The following NPFFR1 variants were observed in gnomAD, a reference collection of about 807,000 sequenced individuals.
NPFFR1 encodes the protein G-protein coupled receptor 147.
Under a neutral mutation model 12.7 loss-of-function variants are expected in NPFFR1, and 17 were observed. The ratio of observed to expected loss-of-function variants is 1.34; its 90% CI spans 0.92 to 2.01. NPFFR1 has a LOEUF of 2.01. Among genes scored for constraint, NPFFR1 ranks in the 30% most tolerant of loss-of-function variants. NPFFR1 has a pLI of 0.00. For missense variants in NPFFR1, 604 were observed against 606.5 expected (o/e 1.00, Z 0.04); for synonymous variants, 296 against 264.5 (o/e 1.12, Z -1.16).
chr10:70,279,006 T>G lies in NPFFR1; in HGVS notation c.7+4664A>C, dbSNP rs987672246. On this transcript the variant is annotated intron_variant, in intron 1 of 3. Coordinates refer to ENST00000277942, the MANE Select transcript of NPFFR1 (RefSeq NM_022146.5). ...GACAATTTATAATTATATAAATTTT[T>G]GGGATAAAAAGCGATGGTATAATTT... is the stretch of plus-strand genomic sequence containing the variant. Among the ~76,000 whole-genome samples, 38 of 152,328 alleles carry G rather than the reference T, an allele frequency of 2.5e-4. No individual in the cohort carries two copies. In the South Asian group the frequency reaches 4.3e-3, roughly 17 times the overall value.
At chr10:70,262,281 A>C (rs191619754) in intron 2 of NPFFR1, among the ~76,000 whole-genome samples, 1 of 152,352 alleles carries the variant, frequency 6.6e-6, no homozygotes, top group African/African-American at 2.4e-5. Context: ...AAACATTAAC[A>C]AATAAGTCTA....
intron 2 of NPFFR1, among the ~76,000 whole-genome samples, chr10:70,263,617 T>C (rs1364257254): frequency 1.3e-5 from 2 of 152,064 alleles, no homozygotes; most frequent in African/African-American, 4.8e-5. Flanking sequence ...GACAGAAATA[T>C]AACAGAATGG....
Position 70,255,217 on chromosome 10 carries a change from G to C in NPFFR1, c.1033C>G (p.Arg345Gly). The C allele has an allele frequency of 1.9e-6, 3 of 1,550,220 alleles. No individual in the cohort carries two copies. The highest frequency in any genetic ancestry group is 2.6e-6 in the Non-Finnish European group (3 of 1,151,998). Residue 345 changes from arginine (R) to glycine (G), a missense_variant, in exon 4 of 4, where the codon CGC becomes GGC. Coordinates refer to ENST00000277942, the MANE Select transcript of NPFFR1 (RefSeq NM_022146.5). The surrounding 1 kb of genome is among the most constrained non-coding windows in gnomAD (Gnocchi z 4.2). ...GACGGGCGCGGGCAGAGGCGGGCGC[G>C]GAAGGCGGCCTGGAAGCCGCGGCGG... is the stretch of plus-strand genomic sequence containing the variant. ...NFRRGFQAAF[R>G]ARLCPRPSGS...
intron 1 of NPFFR1, among the ~76,000 whole-genome samples, chr10:70,275,590 T>C (rs1840795810): frequency 6.6e-6 from 1 of 152,116 alleles, no homozygotes; most frequent in Admixed American, 6.5e-5. Flanking sequence ...GTAGAGATTT[T>C]TTTTTTCTTT....
chr10:70,261,969 A>G (rs1840640205), intron 2 of NPFFR1, among the ~76,000 whole-genome samples: 1 of 152,218 alleles, frequency 6.6e-6, no homozygotes, highest in Admixed American at 6.5e-5. Context: ...TCTGTACTAT[A>G]TTACCCTTCA....
chr10:70,283,583 C>A, intron 1 of NPFFR1, 87 bp downstream of exon 1: 2 of 1,297,496 alleles, frequency 1.5e-6, no homozygotes, highest in Non-Finnish European at 1.1e-6. Context: ...GGGTGATCAG[C>A]TGCCCGGCCC....
intron 1 of NPFFR1, among the ~76,000 whole-genome samples, chr10:70,273,327 C>G (rs1320609832): frequency 6.6e-6 from 1 of 152,226 alleles, no homozygotes; most frequent in East Asian, 1.9e-4. Context: ...TCCCGCCACT[C>G]ACAGTCAAGT....
intron 3 of NPFFR1, among the ~76,000 whole-genome samples, chr10:70,258,104 A>C (rs1027700429): frequency 2.0e-5 from 3 of 152,150 alleles, no homozygotes; most frequent in African/African-American, 7.2e-5. Flanking sequence ...AGCACCGGTC[A>C]CCTGGGCCCA....
intron 1 of NPFFR1, 96 bp from the exon 2 acceptor site, chr10:70,266,487 C>T (rs1840693018): frequency 1.0e-6 from 1 of 994,934 alleles, no homozygotes; most frequent in South Asian, 1.7e-5. Context: ...CAAACCTTAA[C>T]CATGCCCTGG....
At chr10:70,256,315 C>T (rs921945334) in intron 3 of NPFFR1, among the ~76,000 whole-genome samples, 1 of 152,216 alleles carries the variant, frequency 6.6e-6, no homozygotes, top group Non-Finnish European at 1.5e-5. Context: ...GTCTTGGGCT[C>T]AAGCTATCCT....
In NPFFR1 at chr10:70,283,735, G is replaced by C. The variant is rs1200239737; in HGVS notation, c.-59C>G. ...ATGGCGGGAGGCAGCGGGCCCCTTCGGGCCAGCGGGCAGAGGGACGGTCTC... is the reference window on the plus strand; with the variant it reads ...ATGGCGGGAGGCAGCGGGCCCCTTCCGGCCAGCGGGCAGAGGGACGGTCTC... On this transcript the variant is annotated 5_prime_UTR_variant, in exon 1 of 4. Coordinates refer to ENST00000277942, the MANE Select transcript of NPFFR1 (RefSeq NM_022146.5). 2.0e-6 allele frequency: 3 copies of C among 1,526,594 alleles called. No homozygotes were observed. Among genetic ancestry groups the C allele is most frequent in the African/African-American group, 1.4e-5 (1 of 72,964 alleles). The allele number at this position is 1,526,594 out of a possible 1,614,324, so 94.6% of individuals were successfully genotyped here.
At chr10:70,261,064 C>G (rs1459004155) in intron 2 of NPFFR1, among the ~76,000 whole-genome samples, 1 of 152,104 alleles carries the variant, frequency 6.6e-6, no homozygotes, top group Non-Finnish European at 1.5e-5. Context: ...TCTGTATGTA[C>G]ATGGTGATAT....
intron 1 of NPFFR1, among the ~76,000 whole-genome samples, chr10:70,280,951 G>A (rs928004762): frequency 8.5e-5 from 13 of 152,294 alleles, no homozygotes; most frequent in Admixed American, 4.6e-4. Flanking sequence ...GCAGTGAGCC[G>A]AGAACACGCC....
rs1472127043 is a variant in NPFFR1, at chr10:70,265,760, AC to A, written c.322+316del. Reference sequence around the variant, plus strand: ...GTAACTACAGACCAGTTTCTTAACCACTCCGAGCATGTTTCCTCTTCCATAA... The same window carrying A: ...GTAACTACAGACCAGTTTCTTAACCATCCGAGCATGTTTCCTCTTCCATAA... On this transcript the variant is annotated intron_variant, in intron 2 of 3. Coordinates refer to ENST00000277942, the MANE Select transcript of NPFFR1 (RefSeq NM_022146.5). 2.6e-5 allele frequency among the ~76,000 whole-genome samples: 4 copies of A among 152,050 alleles called. No individual in the cohort carries two copies. In the East Asian group the frequency reaches 7.7e-4, roughly 29 times the overall value.
At position 70,255,257 on chromosome 10, in the gene NPFFR1, G is replaced by C. The variant is rs1483966560; in HGVS notation, c.993C>G (p.Tyr331Ter). 6.4e-7 allele frequency: 1 copy of C among 1,569,192 alleles called. No individual in the cohort carries two copies. The highest frequency in any genetic ancestry group is 1.2e-5 in the South Asian group (1 of 86,336). ...AGCCGCGGCGGAAGTTCTCGTTGAA[G>C]TAGCCGTAGATGATGGGGTTGGCGC... ...NSSANPIIYG[Y>*]FNENFRRGFQ... Residue 331 changes from tyrosine (Y) to a stop codon, truncating the protein, a stop_gained, in exon 4 of 4, where the codon TAC (tyrosine) becomes TAG (stop). Coordinates refer to ENST00000277942, the MANE Select transcript of NPFFR1 (RefSeq NM_022146.5). LOFTEE classifies it low-confidence loss of function (END_TRUNC). This position sits in a 1 kb window ranked among gnomAD's most constrained non-coding sequence, Gnocchi z 4.2.
intron 2 of NPFFR1, among the ~76,000 whole-genome samples, chr10:70,265,212 T>TG (rs1298455411): frequency 6.6e-6 from 1 of 152,178 alleles, no homozygotes; most frequent in African/African-American, 2.4e-5. Flanking sequence ...GAAGTCACTC[T>TG]GAATAGGGCT....
intron 1 of NPFFR1, 121 bp from the exon 2 acceptor site, chr10:70,266,512 C>T: frequency 1.3e-6 from 1 of 770,510 alleles, no homozygotes; most frequent in Non-Finnish European, 2.1e-6. Flanking sequence ...CCAAGCATGT[C>T]CCCAGCTCCA....
rs1840525122 is a variant in NPFFR1, at chr10:70,252,875, T to C, written c.*2082A>G. 1 of 152,048 alleles carries C rather than the reference T, an allele frequency of 6.6e-6. No individual in the cohort carries two copies. The highest frequency in any genetic ancestry group is 6.6e-5 in the Admixed American group (1 of 15,260). The allele number at this position is 152,048 out of a possible 1,614,324, so 9.4% of individuals were successfully genotyped here. The stretch of plus-strand genomic sequence containing the variant: ...GCTGATCTTGTACTTGGGGAGGCTA[T>C]GCTAAAGGAGAAACACACCCCAGAG... On this transcript the variant is annotated 3_prime_UTR_variant, in exon 4 of 4. Coordinates refer to ENST00000277942, the MANE Select transcript of NPFFR1 (RefSeq NM_022146.5).
At chr10:70,258,038 A>C (rs572999226) in intron 3 of NPFFR1, among the ~76,000 whole-genome samples, 9 of 152,288 alleles carry the variant, frequency 5.9e-5, no homozygotes, top group South Asian at 4.1e-4. Flanking sequence ...AAATAATAAT[A>C]AATAAAAACT....
Sources: gnomAD v4.1 joint callset for allele counts (sites outside exome capture counted in the v4.1 genomes callset) on GRCh38, gnomAD v4.1.1 for gene constraint, Gnocchi (gnomAD v3.1) non-coding constraint, MANE v1.5 for transcripts, NCBI Gene and HGNC (gene_info 2026-07-23, HGNC 2026-07-21) for gene names.